The following FBXW8 variants were observed in gnomAD, a reference collection of about 807,000 sequenced individuals.
FBXW8 encodes the protein F-box and WD repeat domain containing 8.
In FBXW8, 57 loss-of-function variants were observed where a neutral mutation model predicts 65.3. The observed-to-expected ratio is 0.87, with a 90% CI of 0.71 to 1.09. The LOEUF is 1.09. FBXW8 is among the 50% of genes least tolerant of loss of function. FBXW8 has a pLI of 0.00. For synonymous variants in FBXW8, 308 were observed against 330.2 expected (o/e 0.93, Z 0.73); for missense variants, 777 against 814.8 (o/e 0.95, Z 0.57).
intron 2 of FBXW8, among the ~76,000 whole-genome samples, chr12:116,938,651 G>T (rs78603270): frequency 6.6e-6 from 1 of 152,292 alleles, no homozygotes; most frequent in East Asian, 1.9e-4. Context: ...GTTGAGATTT[G>T]CACAGTCCTC....
intron 7 of FBXW8, among the ~76,000 whole-genome samples, chr12:116,994,907 C>A (rs541307797): frequency 6.6e-6 from 1 of 152,282 alleles, no homozygotes; most frequent in South Asian, 2.1e-4. Context: ...ACATGTGCCT[C>A]CATGATTTTG....
At position 116,970,778 on chromosome 12, in the gene FBXW8, G is replaced by C. The variant is rs574533841; in HGVS notation, c.835+5924G>C. Among the ~76,000 whole-genome samples the C allele has an allele frequency of 2.6e-5, 4 of 152,260 alleles. No homozygotes were observed. In the South Asian group the frequency reaches 8.3e-4, roughly 32 times the overall value. ...ATGTTAAAGCATTGCTTGCGAGAAG[G>C]CTAAGGCAATTGATGGATTGTGGAG... On this transcript the variant is annotated intron_variant, in intron 5 of 10. Transcript: ENST00000652555.
chr12:116,964,804 T>C lies in FBXW8; in HGVS notation c.785T>C (p.Val262Ala). Residue 262 changes from valine (V) to alanine (A), a missense_variant, in exon 5 of 11, where the codon GTC becomes GCC. Transcript: ENST00000652555. ...GATGAGCCTGGAATGCAGCCAAATG[T>C]CTCCTTTGTGAGGATAAACAGCTCG... The part of the protein sequence containing the change: ...EEDEPGMQPN[V>A]SFVRINSSLA... 3.7e-6 allele frequency: 6 copies of C among 1,613,124 alleles called. No individual in the cohort carries two copies. Among genetic ancestry groups the C allele is most frequent in the Non-Finnish European group, 4.2e-6 (5 of 1,179,954 alleles).
chr12:116,948,272 C>T (rs1356331894), intron 3 of FBXW8, among the ~76,000 whole-genome samples: 1 of 152,110 alleles, frequency 6.6e-6, no homozygotes, highest in African/African-American at 2.4e-5. Context: ...CTTTTTCCCT[C>T]ACAAGAGATT....
chr12:117,005,144 G>T (rs1953645016), intron 7 of FBXW8, among the ~76,000 whole-genome samples: 1 of 152,192 alleles, frequency 6.6e-6, no homozygotes, highest in Non-Finnish European at 1.5e-5. Context: ...TCTGTTTTGG[G>T]TAGGATGGAG....
chr12:117,017,253 A>T (rs2135717292), intron 8 of FBXW8, among the ~76,000 whole-genome samples: 1 of 152,328 alleles, frequency 6.6e-6, no homozygotes, highest in African/African-American at 2.4e-5. Context: ...TGGACTTGTT[A>T]TGGATCTCAG....
intron 2 of FBXW8, among the ~76,000 whole-genome samples, chr12:116,928,655 A>G (rs1049122677): frequency 2.6e-5 from 4 of 152,186 alleles, no homozygotes; most frequent in African/African-American, 7.2e-5. Flanking sequence ...TTACAGATCA[A>G]TGTCACCCGT....
chr12:116,992,181 A>T (rs1302878192), intron 7 of FBXW8, among the ~76,000 whole-genome samples: 2 of 152,080 alleles, frequency 1.3e-5, no homozygotes, highest in African/African-American at 2.4e-5. Flanking sequence ...TCTTTTTTTT[A>T]AAAAAGTCTT....
At chr12:116,952,082 A>G (rs1592879426) in intron 4 of FBXW8, among the ~76,000 whole-genome samples, 1 of 152,264 alleles carries the variant, frequency 6.6e-6, no homozygotes, top group South Asian at 2.1e-4. Flanking sequence ...TTTCAAGTGT[A>G]CCTTTGTTTT....
chr12:117,005,074 G>A (rs1293045442), intron 7 of FBXW8, among the ~76,000 whole-genome samples: 2 of 152,212 alleles, frequency 1.3e-5, no homozygotes, highest in African/African-American at 4.8e-5. Flanking sequence ...CTGTCGGACT[G>A]GATGTAGTTG....
rs761022231 is a variant in FBXW8, at chr12:116,985,393, TC to T, written c.1025del (p.Pro342ArgfsTer9). Reference protein sequence around the residue: ...YWQIAAEFEVPKLVQYLEIVP... With the variant: ...YWQIAAEFEVXKLVQYLEIVP... ...GGCAGATAGCTGCGGAATTTGAAGTTCCGAAACTGGTGAGCTTTTTAGTCTG... is the reference window on the plus strand; with the variant it reads ...GGCAGATAGCTGCGGAATTTGAAGTTCGAAACTGGTGAGCTTTTTAGTCTG... On this transcript the variant is annotated frameshift_variant, in exon 6 of 11. Transcript: ENST00000652555. LOFTEE classifies it high-confidence loss of function. The T allele has an allele frequency of 1.2e-6, 2 of 1,610,984 alleles. No individual in the cohort carries two copies. Among genetic ancestry groups the T allele is most frequent in the Non-Finnish European group, 1.7e-6 (2 of 1,179,306 alleles).
rs1592907530 is a variant in FBXW8, at chr12:116,973,602, A to G, written c.835+8748A>G. ...CAGCCTGATCTAATCACGAGAAAATATCACACAAGCCCAAACTGAGGGACA... is the reference window on the plus strand; with the variant it reads ...CAGCCTGATCTAATCACGAGAAAATGTCACACAAGCCCAAACTGAGGGACA... On this transcript the variant is annotated intron_variant, in intron 5 of 10. Coordinates refer to ENST00000652555, the MANE Select transcript of FBXW8 (RefSeq NM_153348.3). Among the ~76,000 whole-genome samples the G allele has an allele frequency of 8.5e-5, 13 of 152,366 alleles. No individual in the cohort carries two copies. In the South Asian group the frequency reaches 2.7e-3, roughly 32 times the overall value.
intron 2 of FBXW8, 124 bp downstream of exon 2, chr12:116,928,251 C>T (rs1881486603): frequency 1.4e-6 from 1 of 690,594 alleles, no homozygotes; most frequent in Middle Eastern, 2.4e-4. Context: ...AATTGGATGG[C>T]AAGTTTACTT....
chr12:116,941,020 A>G (rs1565905918), intron 2 of FBXW8, among the ~76,000 whole-genome samples: 1 of 152,248 alleles, frequency 6.6e-6, no homozygotes, highest in Non-Finnish European at 1.5e-5. Context: ...GTCTTCAGCT[A>G]TTTGAGGGAC....
intron 5 of FBXW8, among the ~76,000 whole-genome samples, chr12:116,975,490 G>T (rs997735604): frequency 4.6e-5 from 7 of 152,144 alleles, no homozygotes; most frequent in Admixed American, 3.9e-4. Flanking sequence ...CACTTAGGGG[G>T]TTAGGATTTT....
chr12:116,922,565 T>G (rs540938151), intron 1 of FBXW8, among the ~76,000 whole-genome samples: 3 of 152,220 alleles, frequency 2.0e-5, no homozygotes, highest in African/African-American at 7.2e-5. Flanking sequence ...CTCTTAGTAA[T>G]TATCTGTTCT....
At chr12:116,927,478 T>G (rs1243543710) in intron 1 of FBXW8, among the ~76,000 whole-genome samples, 1 of 152,194 alleles carries the variant, frequency 6.6e-6, no homozygotes, top group African/African-American at 2.4e-5. Flanking sequence ...TCTACTTGTT[T>G]ACTTTTTGCT....
intron 1 of FBXW8, among the ~76,000 whole-genome samples, chr12:116,918,539 T>C (rs1194313285): frequency 5.3e-5 from 8 of 152,244 alleles, no homozygotes; most frequent in Admixed American, 5.2e-4. Context: ...AGACAGGCTT[T>C]CCTCTTGGGG....
intron 1 of FBXW8, among the ~76,000 whole-genome samples, chr12:116,911,699 AG>A (rs1368989897): frequency 6.6e-5 from 10 of 152,144 alleles, no homozygotes; most frequent in Non-Finnish European, 1.2e-4. Context: ...AAAATTATCC[AG>A]GACAAAATAT....
Sources: gnomAD v4.1 joint callset for allele counts (sites outside exome capture counted in the v4.1 genomes callset) on GRCh38, gnomAD v4.1.1 for gene constraint, MANE v1.5 for transcripts, NCBI Gene and HGNC (gene_info 2026-07-23, HGNC 2026-07-21) for gene names.